Variants in TEK observed in about 807,000 individuals in gnomAD.
The protein encoded by TEK is TEK receptor tyrosine kinase.
In TEK, 43 loss-of-function variants were observed where a neutral mutation model predicts 131.8. That is an observed-to-expected ratio of 0.33 (90% CI 0.26 to 0.42). The LOEUF is 0.42. Ranked by LOEUF, TEK falls within the 10% of genes least tolerant of loss-of-function variation. The pLI, the probability that TEK is intolerant of heterozygous loss-of-function variation, is 1.00. For synonymous variants in TEK, 580 were observed against 491.6 expected (o/e 1.18, Z -2.38); for missense variants, 1,162 against 1,384.4 (o/e 0.84, Z 2.55).
chr9:27,197,650 C>G, intron 12 of TEK, 51 bp downstream of exon 12: 1 of 1,607,288 alleles, frequency 6.2e-7, no homozygotes, highest in Non-Finnish European at 8.5e-7. Context: ...GGGGCTACCG[C>G]CATGCAGACT....
intron 2 of TEK, among the ~76,000 whole-genome samples, chr9:27,158,691 C>T (rs867044532): frequency 6.8e-6 from 1 of 146,836 alleles, no homozygotes; most frequent in Non-Finnish European, 1.5e-5. Flanking sequence ...GGTGGAGTCT[C>T]ACTCTGTCAC....
At chr9:27,123,041 AGACTCT>A (rs1451420217) in intron 1 of TEK, among the ~76,000 whole-genome samples, 1 of 123,022 alleles carries the variant, frequency 8.1e-6, no homozygotes, top group Non-Finnish European at 1.6e-5. Flanking sequence ...TGACAGAGCG[AGACTCT>A]GTCTCAAAAA....
Position 27,201,595 on chromosome 9 carries a change from TAACA to T in TEK, c.1910-1223_1910-1220del, listed in dbSNP as rs1825215325. ...TGTACCATCTGCTAGACATAGAACA[TAACA>T]ATCAGATTTGGAAGGTTCTAAATCC... On this transcript the variant is annotated intron_variant, in intron 12 of 22. Coordinates refer to ENST00000380036, the MANE Select transcript of TEK (RefSeq NM_000459.5). Among the ~76,000 whole-genome samples, 4 of 152,290 alleles carry T rather than the reference TAACA, an allele frequency of 2.6e-5. No individual in the cohort carries two copies. In the South Asian group the frequency reaches 6.2e-4, roughly 24 times the overall value.
At chr9:27,172,541 C>T (rs149826702) in intron 4 of TEK, 75 bp from the exon 5 acceptor site, 9 of 1,589,508 alleles carry the variant, frequency 5.7e-6, no homozygotes, top group African/African-American at 5.4e-5. Context: ...ATGACTGACA[C>T]ACAGTAGGTG....
At chr9:27,211,422 A>G (rs1024954986) in intron 16 of TEK, among the ~76,000 whole-genome samples, 3 of 139,158 alleles carry the variant, frequency 2.2e-5, no homozygotes, top group Non-Finnish European at 4.6e-5. Flanking sequence ...TTCTTAGAAG[A>G]TCTTTCAAGC....
intron 10 of TEK, among the ~76,000 whole-genome samples, chr9:27,191,223 G>C (rs1824808684): frequency 6.6e-6 from 1 of 152,112 alleles, no homozygotes; most frequent in African/African-American, 2.4e-5. Context: ...TGGCAGACTG[G>C]AATGGGCTCG....
chr9:27,183,758 G>A, intron 8 of TEK, 148 bp downstream of exon 8: 1 of 1,108,446 alleles, frequency 9.0e-7, no homozygotes, highest in Non-Finnish European at 1.4e-6. Context: ...TTCCTGGAGA[G>A]GCAGAACTGA....
Position 27,229,933 on chromosome 9 carries a change from A to T in TEK, c.*701A>T, listed in dbSNP as rs1005799135. 6.6e-6 allele frequency: 1 copy of T among 152,298 alleles called. No homozygotes were observed. Among genetic ancestry groups the T allele is most frequent in the African/African-American group, 2.4e-5 (1 of 41,466 alleles). 9.4% of individuals were successfully genotyped at this position (152,298 alleles called of 1,614,324 possible). ...GAAGTATACATAAGTTTAGGATAAAATAATGGGATTTTCTTTTCTTTTCTC... is the reference window on the plus strand; with the variant it reads ...GAAGTATACATAAGTTTAGGATAAATTAATGGGATTTTCTTTTCTTTTCTC... On this transcript the variant is annotated 3_prime_UTR_variant, in exon 23 of 23. Transcript: ENST00000380036.
intron 1 of TEK, among the ~76,000 whole-genome samples, chr9:27,156,167 C>T (rs903146850): frequency 3.3e-5 from 5 of 152,088 alleles, no homozygotes; most frequent in Non-Finnish European, 5.9e-5. Context: ...GGACTTCAGT[C>T]AGGCAGATCT....
intron 2 of TEK, among the ~76,000 whole-genome samples, chr9:27,165,171 G>C (rs907535985): frequency 6.6e-6 from 1 of 152,168 alleles, no homozygotes; most frequent in Non-Finnish European, 1.5e-5. Flanking sequence ...GAGTGGTGGG[G>C]GGAAAGCTAC....
intron 1 of TEK, among the ~76,000 whole-genome samples, chr9:27,111,491 C>T (rs896812365): frequency 6.6e-6 from 1 of 151,574 alleles, no homozygotes; most frequent in Admixed American, 6.6e-5. Context: ...CTCTCTAGTC[C>T]AGTGGGTTGT....
At chr9:27,219,987 T>G in intron 20 of TEK, 62 bp from the exon 21 acceptor site, 1 of 1,554,412 alleles carries the variant, frequency 6.4e-7, no homozygotes, top group Non-Finnish European at 8.9e-7. Context: ...TTAGAAACCC[T>G]GGACAGGAAG....
intron 14 of TEK, 68 bp from the exon 15 acceptor site, chr9:27,206,514 G>A (rs574820806): frequency 2.6e-6 from 4 of 1,513,418 alleles, no homozygotes; most frequent in East Asian, 2.4e-5. Flanking sequence ...ATGCCAACCA[G>A]AAGACATTAT....
chr9:27,173,723 GTTTTTTTTTTTTGGT>G lies in TEK; in HGVS notation c.901+374_901+388del, dbSNP rs1201425985. On this transcript the variant is annotated intron_variant, in intron 6 of 22. Transcript: ENST00000380036. The stretch of plus-strand genomic sequence containing the variant: ...TGAGTAGGAAGACCATAGAAGACTT[GTTTTTTTTTTTTGGT>G]TTTTTTTTTTTTTTTTTTTCAGTGA... Among the ~76,000 whole-genome samples, 604 of 92,078 alleles carry G rather than the reference GTTTTTTTTTTTTGGT, an allele frequency of 6.6e-3. 4 individuals carry two copies. Among genetic ancestry groups the G allele is most frequent in the African/African-American group, 0.023 (552 of 24,260 alleles). 60.4% of individuals were successfully genotyped at this position (92,078 alleles called of 152,430 possible). A position where few individuals can be genotyped will look rare whatever the true frequency, so the allele number is the denominator to read the frequency against.
chr9:27,226,540 A>G (rs1026609811), intron 21 of TEK, among the ~76,000 whole-genome samples: 3 of 151,546 alleles, frequency 2.0e-5, no homozygotes, highest in Admixed American at 6.6e-5. Flanking sequence ...ATGAGAACAC[A>G]TGGACACAGG....
At chr9:27,137,240 T>C (rs1311958198) in intron 1 of TEK, among the ~76,000 whole-genome samples, 1 of 152,130 alleles carries the variant, frequency 6.6e-6, no homozygotes, top group Non-Finnish European at 1.5e-5. Context: ...TTGATAAAAC[T>C]TCACGGATAT....
intron 1 of TEK, among the ~76,000 whole-genome samples, chr9:27,129,389 T>C (rs1822124205): frequency 6.6e-6 from 1 of 152,196 alleles, no homozygotes; most frequent in Non-Finnish European, 1.5e-5. Flanking sequence ...ACTAATTTCC[T>C]TTCCAGTTCC....
At chr9:27,186,036 T>C (rs1385511344) in intron 9 of TEK, among the ~76,000 whole-genome samples, 1 of 152,228 alleles carries the variant, frequency 6.6e-6, no homozygotes, top group African/African-American at 2.4e-5. Context: ...AGGTTAGCAT[T>C]GCCGTTGTGA....
At chr9:27,135,965 G>A (rs1369416273) in intron 1 of TEK, among the ~76,000 whole-genome samples, 2 of 152,048 alleles carry the variant, frequency 1.3e-5, no homozygotes, top group Admixed American at 6.6e-5. Flanking sequence ...TGTGTGTACC[G>A]TACCGTCATT....
Sources: allele counts gnomAD v4.1 joint callset (sites outside exome capture counted in the v4.1 genomes callset), GRCh38; gene constraint gnomAD v4.1.1; transcripts MANE v1.5; gene names NCBI Gene and HGNC (gene_info 2026-07-23, HGNC 2026-07-21).